Variants in MAGI2 observed in about 807,000 individuals in gnomAD.
MAGI2 encodes the protein membrane-associated guanylate kinase, WW and PDZ domain-containing protein 2.
Under a neutral mutation model 133.3 loss-of-function variants are expected in MAGI2, and 35 were observed. That is an observed-to-expected ratio of 0.26 (90% confidence interval 0.20 to 0.35). The LOEUF (loss-of-function observed/expected upper bound fraction) is 0.35. MAGI2 is among the 10% of genes least tolerant of loss of function. The pLI is 1.00. For synonymous variants in MAGI2, 729 were observed against 710.6 expected (o/e 1.03, Z -0.41); for missense variants, 1,636 against 1,863.4 (o/e 0.88, Z 2.25).
intron 2 of MAGI2, among the ~76,000 whole-genome samples, chr7:78,704,506 G>C (rs1297171359): frequency 6.6e-6 from 1 of 152,130 alleles, no homozygotes; most frequent in African/African-American, 2.4e-5. Context: ...AAAGCAGTTT[G>C]AAGATTTCTC....
intron 6 of MAGI2, among the ~76,000 whole-genome samples, chr7:78,408,304 G>C (rs1797572754): frequency 6.6e-6 from 1 of 151,972 alleles, no homozygotes; most frequent in African/African-American, 2.4e-5. Flanking sequence ...ACAAAGATCT[G>C]TCAGCAATTT....
chr7:79,033,035 G>A (rs1291716283), intron 1 of MAGI2, among the ~76,000 whole-genome samples: 3 of 152,094 alleles, frequency 2.0e-5, no homozygotes, highest in African/African-American at 7.2e-5. Flanking sequence ...AATACTAAAA[G>A]CCAGGAGATT....
intron 2 of MAGI2, among the ~76,000 whole-genome samples, chr7:78,675,646 G>A (rs543711438): frequency 1.3e-5 from 2 of 152,066 alleles, no homozygotes; most frequent in Non-Finnish European, 2.9e-5. Flanking sequence ...ATCTCACCTA[G>A]AAATTCCTAT....
In MAGI2 at chr7:78,135,205, A is replaced by G. The variant is rs1821985240; in HGVS notation, c.2847T>C (p.Thr949=). Residue 949 remains threonine (T), a splice_region_variant and synonymous_variant, in exon 17 of 22, where the codon ACT becomes ACC. Transcript: ENST00000354212. ...LNRPESGSTI[T]VPHKIGRIID... is the part of the protein sequence containing the mutation. ...TGATGCGTCCGATTTTATGGGGCAC[A>G]GCTAAAAAAACCCCAACAGAAATAG... 1 of 1,613,772 alleles carries G rather than the reference A, an allele frequency of 6.2e-7. No individual in the cohort carries two copies. The highest frequency in any genetic ancestry group is 1.3e-5 in the African/African-American group (1 of 74,930).
chr7:78,053,990 T>C (rs1436767502), intron 21 of MAGI2, among the ~76,000 whole-genome samples: 1 of 152,214 alleles, frequency 6.6e-6, no homozygotes, highest in Non-Finnish European at 1.5e-5. Flanking sequence ...ATCTGCTGGA[T>C]CCAATACCAC....
At chr7:79,282,821 C>T (rs919798955) in intron 1 of MAGI2, among the ~76,000 whole-genome samples, 1 of 152,050 alleles carries the variant, frequency 6.6e-6, no homozygotes, top group Non-Finnish European at 1.5e-5. Flanking sequence ...AATCTAAGTA[C>T]ATTGTAGAGG....
chr7:79,320,078 T>G (rs1440577697), intron 1 of MAGI2, among the ~76,000 whole-genome samples: 1 of 152,140 alleles, frequency 6.6e-6, no homozygotes, highest in African/African-American at 2.4e-5. Context: ...ACATTCCTGG[T>G]GCTGACTGTT....
intron 2 of MAGI2, among the ~76,000 whole-genome samples, chr7:78,655,792 T>G (rs182034003): frequency 6.6e-6 from 1 of 151,974 alleles, no homozygotes; most frequent in Non-Finnish European, 1.5e-5. Context: ...CCATCCTGGC[T>G]AACACGGTGA....
chr7:79,213,744 T>C (rs901858344), intron 1 of MAGI2, among the ~76,000 whole-genome samples: 1 of 152,086 alleles, frequency 6.6e-6, no homozygotes, highest in Non-Finnish European at 1.5e-5. Flanking sequence ...CTAACATTGC[T>C]ATCACACACA....
intron 1 of MAGI2, among the ~76,000 whole-genome samples, chr7:79,301,738 T>C (rs1409734065): frequency 6.6e-6 from 1 of 152,194 alleles, no homozygotes; most frequent in Non-Finnish European, 1.5e-5. Flanking sequence ...GGTAGAATAA[T>C]ATAGTTTGGA....
intron 3 of MAGI2, among the ~76,000 whole-genome samples, chr7:78,555,486 T>C (rs1799745001): frequency 1.3e-5 from 2 of 152,144 alleles, no homozygotes; most frequent in Admixed American, 6.5e-5. Context: ...GGCATAAAGC[T>C]GCAATAAGAA....
intron 1 of MAGI2, among the ~76,000 whole-genome samples, chr7:79,021,351 G>T (rs960389292): frequency 6.6e-6 from 1 of 152,180 alleles, no homozygotes; most frequent in Non-Finnish European, 1.5e-5. Context: ...TGCACTATGT[G>T]CCTGTAAAAG....
At chr7:78,693,347 C>G (rs1325957012) in intron 2 of MAGI2, among the ~76,000 whole-genome samples, 3 of 152,114 alleles carry the variant, frequency 2.0e-5, no homozygotes, top group South Asian at 4.1e-4. Context: ...ATTTTCTCTA[C>G]TCCCCTTGGG....
intron 6 of MAGI2, among the ~76,000 whole-genome samples, chr7:78,426,625 TA>T (rs111685886): frequency 0.18 from 27,149 of 150,536 alleles, 3,316 homozygotes; most frequent in African/African-American, 0.35. Context: ...ATAAATTAAT[TA>T]AAAAAAAAGA....
chr7:79,364,570 A>C (rs1339025072), intron 1 of MAGI2, among the ~76,000 whole-genome samples: 5 of 152,074 alleles, frequency 3.3e-5, no homozygotes, highest in Non-Finnish European at 7.4e-5. Context: ...ACTTAGACTG[A>C]GGGTCTTGGG....
intron 6 of MAGI2, among the ~76,000 whole-genome samples, chr7:78,447,758 A>T (rs1788305205): frequency 6.6e-6 from 1 of 152,206 alleles, no homozygotes; most frequent in Admixed American, 6.6e-5. Context: ...CCATTCTGGC[A>T]GGTACCTAAA....
chr7:79,416,759 C>T (rs1354071606), intron 1 of MAGI2, among the ~76,000 whole-genome samples: 2 of 95,044 alleles, frequency 2.1e-5, no homozygotes, highest in African/African-American at 1.0e-4. Flanking sequence ...TGGAGTCTTG[C>T]TCTGTTATCC....
At chr7:78,133,692 G>T (rs1821798151) in intron 17 of MAGI2, among the ~76,000 whole-genome samples, 1 of 152,074 alleles carries the variant, frequency 6.6e-6, no homozygotes, top group African/African-American at 2.4e-5. Flanking sequence ...TTGGAATAAG[G>T]GCCCAACAGA....
intron 1 of MAGI2, among the ~76,000 whole-genome samples, chr7:79,090,679 A>G (rs1036615364): frequency 1.3e-5 from 2 of 152,160 alleles, no homozygotes; most frequent in Non-Finnish European, 2.9e-5. Flanking sequence ...TTGTGGTTAG[A>G]CAGGAAATTA....
Sources: allele counts gnomAD v4.1 joint callset (sites outside exome capture counted in the v4.1 genomes callset), GRCh38; gene constraint gnomAD v4.1.1; transcripts MANE v1.5; gene names NCBI Gene and HGNC (gene_info 2026-07-23, HGNC 2026-07-21).